The following LTBP1 variants were observed in gnomAD, a reference collection of about 807,000 sequenced individuals.
LTBP1 encodes latent-transforming growth factor beta-binding protein 1.
Under a neutral mutation model 207.6 loss-of-function variants are expected in LTBP1, and 129 were observed. The observed-to-expected ratio is 0.62, with a 90% CI of 0.54 to 0.72. The LOEUF is 0.72. Among genes scored for constraint, LTBP1 ranks in the 30% least tolerant of loss-of-function variants. The probability of loss-of-function intolerance (pLI) is 0.00; values close to 1 mark genes in which losing one functional copy is unlikely to be tolerated. For missense variants in LTBP1, 2,281 were observed against 2,217.2 expected (o/e 1.03, Z -0.58); for synonymous variants, 963 against 833.7 (o/e 1.16, Z -2.67).
chr2:33,250,393 A>G (rs1042005765), intron 10 of LTBP1, among the ~76,000 whole-genome samples: 1 of 152,218 alleles, frequency 6.6e-6, no homozygotes, highest in Non-Finnish European at 1.5e-5. Context: ...AAGAAGAACC[A>G]AAATATCAAG....
At chr2:33,102,926 T>G (rs1219587511) in intron 3 of LTBP1, among the ~76,000 whole-genome samples, 1 of 152,014 alleles carries the variant, frequency 6.6e-6, no homozygotes, top group Admixed American at 6.5e-5. Context: ...GTATGCACAG[T>G]CTGTATGCTG....
At chr2:33,342,534 T>C (rs1190645295) in intron 24 of LTBP1, among the ~76,000 whole-genome samples, 1 of 152,158 alleles carries the variant, frequency 6.6e-6, no homozygotes, top group Non-Finnish European at 1.5e-5. Context: ...AAATAAAGAG[T>C]CGAGAACGTT....
At chr2:33,143,784 G>GT (rs2082809457) in intron 5 of LTBP1, among the ~76,000 whole-genome samples, 3 of 131,526 alleles carry the variant, frequency 2.3e-5, no homozygotes, top group Non-Finnish European at 3.4e-5. Context: ...GCTGTTTTTT[G>GT]TTGTTTTTTT....
At chr2:33,159,434 A>G (rs1350066722) in intron 5 of LTBP1, among the ~76,000 whole-genome samples, 1 of 152,152 alleles carries the variant, frequency 6.6e-6, no homozygotes, top group Non-Finnish European at 1.5e-5. Flanking sequence ...AGGTAACATC[A>G]CTGCCTCCAC....
chr2:32,984,067 A>G (rs1229458959), intron 2 of LTBP1, among the ~76,000 whole-genome samples: 1 of 152,196 alleles, frequency 6.6e-6, no homozygotes, highest in Non-Finnish European at 1.5e-5. Flanking sequence ...TACATTTGTA[A>G]TGTTTTCAAC....
At chr2:33,058,186 T>C (rs1484841628) in intron 3 of LTBP1, among the ~76,000 whole-genome samples, 11 of 152,228 alleles carry the variant, frequency 7.2e-5, no homozygotes, top group Admixed American at 7.2e-4. Context: ...ATAATAGCTA[T>C]GATGAAGTAT....
chr2:33,145,991 C>T (rs2083001559), intron 5 of LTBP1, among the ~76,000 whole-genome samples: 1 of 152,114 alleles, frequency 6.6e-6, no homozygotes, highest in Non-Finnish European at 1.5e-5. Context: ...CATTTTGTGC[C>T]AGAAGAAGTA....
intron 33 of LTBP1, among the ~76,000 whole-genome samples, chr2:33,397,733 A>G (rs1342997928): frequency 2.1e-5 from 3 of 142,320 alleles, no homozygotes; most frequent in Non-Finnish European, 4.5e-5. Flanking sequence ...CGTGTTAGCC[A>G]GGATGGTTTC....
chr2:33,284,685 C>A (rs1355963847), intron 19 of LTBP1, among the ~76,000 whole-genome samples: 1 of 152,176 alleles, frequency 6.6e-6, no homozygotes, highest in Non-Finnish European at 1.5e-5. Flanking sequence ...CGATGAGAGC[C>A]ATCCCCCAAG....
intron 3 of LTBP1, among the ~76,000 whole-genome samples, chr2:33,063,949 G>A (rs2077383194): frequency 6.6e-6 from 1 of 151,840 alleles, no homozygotes; most frequent in African/African-American, 2.4e-5. Flanking sequence ...TGCCTCCCAG[G>A]TTCAAGTGAC....
intron 4 of LTBP1, among the ~76,000 whole-genome samples, chr2:33,130,125 C>T (rs1430347195): frequency 1.3e-5 from 2 of 152,142 alleles, no homozygotes; most frequent in Non-Finnish European, 2.9e-5. Flanking sequence ...TATGATTTGT[C>T]CTTCAAAGAA....
At chr2:33,361,829 A>T (rs2094930440) in intron 28 of LTBP1, among the ~76,000 whole-genome samples, 1 of 152,182 alleles carries the variant, frequency 6.6e-6, no homozygotes. Flanking sequence ...TTCTGTACCT[A>T]GTAGATACTT....
At chr2:32,948,819 G>C in intron 1 of LTBP1, 56 bp from the exon 2 acceptor site, 1 of 1,511,528 alleles carries the variant, frequency 6.6e-7, no homozygotes, top group Non-Finnish European at 9.2e-7. Flanking sequence ...GGAAGCTTGG[G>C]TTCTTGGGAA....
intron 2 of LTBP1, among the ~76,000 whole-genome samples, chr2:33,017,182 A>T (rs1056758619): frequency 2.6e-4 from 39 of 152,250 alleles, no homozygotes. Context: ...CAATGTATAG[A>T]TATGGAAAAT....
At chr2:32,966,164 AT>A (rs1431238045) in intron 2 of LTBP1, among the ~76,000 whole-genome samples, 1 of 152,072 alleles carries the variant, frequency 6.6e-6, no homozygotes, top group African/African-American at 2.4e-5. Flanking sequence ...TCTTTTGCCC[AT>A]TTTTTAATCA....
chr2:33,010,670 A>C (rs1160517763), intron 2 of LTBP1, among the ~76,000 whole-genome samples: 1 of 152,060 alleles, frequency 6.6e-6, no homozygotes, highest in Non-Finnish European at 1.5e-5. Flanking sequence ...AATTAAAAAA[A>C]GTTTTTGAAC....
chr2:32,993,979 T>TGTGTGTGG (rs1190023520), intron 2 of LTBP1, among the ~76,000 whole-genome samples: 1 of 149,836 alleles, frequency 6.7e-6, no homozygotes, highest in Non-Finnish European at 1.5e-5. Flanking sequence ...AGTGTGTGTG[T>TGTGTGTGG]GTGTGTGTGT....
chr2:33,039,253 G>A (rs1309533946), intron 3 of LTBP1, among the ~76,000 whole-genome samples: 1 of 151,778 alleles, frequency 6.6e-6, no homozygotes, highest in African/African-American at 2.4e-5. Context: ...GTAGGAAAGG[G>A]GCAAATGCAT....
At chr2:33,224,533 C>T (rs755550550) in intron 9 of LTBP1, among the ~76,000 whole-genome samples, 4 of 152,086 alleles carry the variant, frequency 2.6e-5, no homozygotes, top group African/African-American at 7.2e-5. Flanking sequence ...ACGTATTTAG[C>T]GTAATTCACA....
Sources: gnomAD v4.1 joint callset for allele counts (sites outside exome capture counted in the v4.1 genomes callset) on GRCh38, gnomAD v4.1.1 for gene constraint, MANE v1.5 for transcripts, NCBI Gene and HGNC (gene_info 2026-07-23, HGNC 2026-07-21) for gene names.